The following GALNT13 variants were observed in gnomAD, a reference collection of about 807,000 sequenced individuals.
GALNT13 encodes polypeptide N-acetylgalactosaminyltransferase 13.
In GALNT13, 28 loss-of-function variants were observed where a neutral mutation model predicts 64.2. That is an observed-to-expected ratio of 0.44 (90% CI 0.32 to 0.60). GALNT13 has a LOEUF of 0.60. Ranked by LOEUF, GALNT13 falls within the 20% of genes least tolerant of loss-of-function variation. GALNT13 has a pLI of 0.05. For missense variants in GALNT13, 577 were observed against 669.8 expected (o/e 0.86, Z 1.53); for synonymous variants, 214 against 224.6 (o/e 0.95, Z 0.42).
chr2:153,817,279 C>G, the GALNT13 span, among the ~76,000 whole-genome samples: 8 of 152,206 alleles, frequency 5.3e-5, no homozygotes, highest in Non-Finnish European at 1.0e-4. Context: ...AGACTCTTTG[C>G]TTGGCCAAAC....
intron 3 of GALNT13, among the ~76,000 whole-genome samples, chr2:153,952,173 G>T (rs1692234594): frequency 6.6e-6 from 1 of 152,116 alleles, no homozygotes; most frequent in Non-Finnish European, 1.5e-5. Context: ...ATAGGTATTT[G>T]AGAGAATAGG....
intron 1 of GALNT13, among the ~76,000 whole-genome samples, chr2:153,896,385 G>A (rs943537139): frequency 1.3e-5 from 2 of 150,882 alleles, no homozygotes; most frequent in African/African-American, 4.8e-5. Flanking sequence ...ATATCAATGT[G>A]TAAATTATGA....
chr2:153,728,627 C>CA, the GALNT13 span, among the ~76,000 whole-genome samples: 1 of 151,926 alleles, frequency 6.6e-6, no homozygotes, highest in Non-Finnish European at 1.5e-5. Flanking sequence ...TAGCAGAAGA[C>CA]AAGAAATAAG....
Position 154,273,219 on chromosome 2 carries a change from C to T in GALNT13, c.975+14081C>T, listed in dbSNP as rs192063875. Among the ~76,000 whole-genome samples, 5 of 152,172 alleles carry T rather than the reference C, an allele frequency of 3.3e-5. No individual in the cohort carries two copies. The East Asian group carries it at 9.7e-4, about 29-fold the overall frequency. On this transcript the variant is annotated intron_variant, in intron 8 of 12. Coordinates refer to ENST00000392825, the MANE Select transcript of GALNT13 (RefSeq NM_052917.4). The stretch of plus-strand genomic sequence containing the variant: ...GAGGTGGAGGATGAAGGGTAGAGAA[C>T]TACATTACCTAGAGTGGTCAGAGAA...
At chr2:153,404,865 AAAATG>A in the GALNT13 span, among the ~76,000 whole-genome samples, 210 of 152,354 alleles carry the variant, frequency 1.4e-3, no homozygotes, top group African/African-American at 4.9e-3. Context: ...TTCCCATGGA[AAAATG>A]AAATGAAATA....
intron 7 of GALNT13, among the ~76,000 whole-genome samples, chr2:154,253,398 C>T (rs968290660): frequency 5.3e-5 from 8 of 152,140 alleles, no homozygotes; most frequent in Non-Finnish European, 1.2e-4. Context: ...TGTTGATTTA[C>T]CAACTTCTGG....
the GALNT13 span, among the ~76,000 whole-genome samples, chr2:153,616,990 C>T: frequency 2.6e-5 from 4 of 151,846 alleles, no homozygotes; most frequent in African/African-American, 9.7e-5. Flanking sequence ...GGTCTCAAAA[C>T]GATAATGGCC....
chr2:153,159,087 G>T, the GALNT13 span: 1 of 165,394 alleles, frequency 6.0e-6, no homozygotes, highest in South Asian at 1.6e-4. Flanking sequence ...TCCTGAATAT[G>T]GAGGAGAAGT....
intron 9 of GALNT13, among the ~76,000 whole-genome samples, chr2:154,366,435 C>T (rs1284882312): frequency 1.3e-5 from 2 of 152,146 alleles, no homozygotes; most frequent in African/African-American, 4.8e-5. Context: ...GTAGCACAGC[C>T]TCAGACATAA....
At chr2:154,240,312 C>G (rs1689414772) in intron 4 of GALNT13, among the ~76,000 whole-genome samples, 3 of 152,086 alleles carry the variant, frequency 2.0e-5, no homozygotes, top group Admixed American at 2.0e-4. Flanking sequence ...GATTTATAAG[C>G]AAAGTCAAAA....
At chr2:154,055,569 A>G (rs1360302859) in intron 3 of GALNT13, among the ~76,000 whole-genome samples, 2 of 152,082 alleles carry the variant, frequency 1.3e-5, no homozygotes, top group Non-Finnish European at 2.9e-5. Flanking sequence ...CTAATTGGAG[A>G]AAGTATCCTA....
chr2:154,312,239 A>G (rs1267054397), intron 9 of GALNT13, among the ~76,000 whole-genome samples: 1 of 152,234 alleles, frequency 6.6e-6, no homozygotes, highest in Non-Finnish European at 1.5e-5. Flanking sequence ...ATAAATGTCC[A>G]TAAAATCTTC....
the GALNT13 span, among the ~76,000 whole-genome samples, chr2:153,476,734 C>T: frequency 6.6e-6 from 1 of 152,150 alleles, no homozygotes; most frequent in African/African-American, 2.4e-5. Flanking sequence ...GGTCTTTTTG[C>T]TAGAAAAAGT....
chr2:154,346,030 C>T (rs914762543), intron 9 of GALNT13, among the ~76,000 whole-genome samples: 4 of 151,880 alleles, frequency 2.6e-5, no homozygotes, highest in Non-Finnish European at 5.9e-5. Context: ...ATTTTTATTA[C>T]AGTCCAGCAT....
At chr2:153,455,933 A>G in the GALNT13 span, among the ~76,000 whole-genome samples, 1 of 152,188 alleles carries the variant, frequency 6.6e-6, no homozygotes, top group East Asian at 1.9e-4. Context: ...CTTAGCAGGA[A>G]GGGGAGCTGA....
the GALNT13 span, among the ~76,000 whole-genome samples, chr2:153,653,308 A>G: frequency 2.6e-5 from 4 of 152,284 alleles, no homozygotes; most frequent in South Asian, 2.1e-4. Context: ...CTTTAGAGAG[A>G]GAATTGCCCT....
At chr2:153,751,780 A>G in the GALNT13 span, among the ~76,000 whole-genome samples, 2 of 150,464 alleles carry the variant, frequency 1.3e-5, no homozygotes, top group Non-Finnish European at 3.0e-5. Flanking sequence ...TTTTTCATTC[A>G]CTCAGCTAGT....
the GALNT13 span, among the ~76,000 whole-genome samples, chr2:153,550,055 T>C: frequency 1.3e-5 from 2 of 152,184 alleles, no homozygotes; most frequent in African/African-American, 4.8e-5. Flanking sequence ...GAGGAAGATA[T>C]TGACTGAAAG....
At chr2:153,512,808 G>T in the GALNT13 span, among the ~76,000 whole-genome samples, 1 of 151,992 alleles carries the variant, frequency 6.6e-6, no homozygotes, top group Non-Finnish European at 1.5e-5. Flanking sequence ...TTTAATTTGC[G>T]TTTAGGGGAC....
Sources: gnomAD v4.1 joint callset for allele counts (sites outside exome capture counted in the v4.1 genomes callset) on GRCh38, gnomAD v4.1.1 for gene constraint, MANE v1.5 for transcripts, NCBI Gene and HGNC (gene_info 2026-07-23, HGNC 2026-07-21) for gene names.